The following SUN1 variants were observed in gnomAD, a reference collection of about 807,000 sequenced individuals.
SUN1 encodes the protein SUN domain-containing protein 1.
A neutral mutation model predicts 103.2 loss-of-function variants in SUN1; 61 were observed. That is an observed-to-expected ratio of 0.59 (90% CI 0.48 to 0.73). The LOEUF is 0.73. SUN1 is among the 30% of genes least tolerant of loss of function. SUN1 has a pLI of 0.00. For missense variants in SUN1, 1,052 were observed against 1,034.6 expected (o/e 1.02, Z -0.23); for synonymous variants, 490 against 425.7 (o/e 1.15, Z -1.86).
At chr7:861,937 C>T (rs7809344) in intron 15 of SUN1, among the ~76,000 whole-genome samples, 25,132 of 152,172 alleles carry the variant, frequency 0.17, 2,196 homozygotes, top group South Asian at 0.26. Context: ...GTTTGGGAAA[C>T]CCTGCAGGGG....
At chr7:828,503 T>C (rs1268607654), upstream of SUN1, among the ~76,000 whole-genome samples, 1 of 152,080 alleles carries the variant, frequency 6.6e-6, no homozygotes, top group Non-Finnish European at 1.5e-5. Flanking sequence ...AACTCCTGAC[T>C]TCAGGTGGTC....
At chr7:846,018 A>G (rs553588386) in intron 5 of SUN1, among the ~76,000 whole-genome samples, 2 of 152,280 alleles carry the variant, frequency 1.3e-5, no homozygotes, top group African/African-American at 4.8e-5. Context: ...CTGAAATGCC[A>G]TCACGGTGTA....
intron 5 of SUN1, chr7:849,731 C>T: frequency 8.7e-7 from 1 of 1,143,306 alleles, no homozygotes; most frequent in Non-Finnish European, 1.3e-6. Context: ...TGACGACGGG[C>T]TGTTGGAGCT....
chr7:870,237 A>T (rs1435429027), intron 17 of SUN1, among the ~76,000 whole-genome samples: 3 of 151,086 alleles, frequency 2.0e-5, no homozygotes, highest in Non-Finnish European at 4.4e-5. Context: ...CAGTTGAGAC[A>T]GTAGTGTTTA....
At chr7:857,686 C>T in intron 12 of SUN1, 142 bp from the exon 13 acceptor site, 1 of 1,105,250 alleles carries the variant, frequency 9.0e-7, no homozygotes, top group Non-Finnish European at 1.2e-6. Flanking sequence ...CATCCAGTTT[C>T]CACGTTAGTG....
chr7:836,338 C>T (rs1005813406), intron 1 of SUN1, among the ~76,000 whole-genome samples: 1 of 152,170 alleles, frequency 6.6e-6, no homozygotes, highest in Non-Finnish European at 1.5e-5. Context: ...CAGGGTAGAA[C>T]ATGAGTAAAC....
At chr7:850,204 T>A in intron 5 of SUN1, 1 of 660,090 alleles carries the variant, frequency 1.5e-6, no homozygotes, top group Non-Finnish European at 2.5e-6. Flanking sequence ...AGCTCCCTTG[T>A]AAATATTTTT....
At position 818,333 on chromosome 7, in the gene SUN1, T is replaced by C. The variant is rs183644961; in HGVS notation, c.-74+1660T>C. Among the ~76,000 whole-genome samples the C allele has an allele frequency of 1.5e-3, 231 of 152,362 alleles. 1 individual carries two copies. Among genetic ancestry groups the C allele is most frequent in the Non-Finnish European group, 2.6e-3 (176 of 68,030 alleles). ...GGCCTCTTTCACTTAAGATAATGTC[T>C]TCAGAGTTCACGCATGTTGTAGACT... On this transcript the variant is annotated intron_variant, in intron 1 of 17. Coordinates refer to the SUN1 transcript ENST00000389574.
chr7:844,068 T>C (rs2128309363), intron 5 of SUN1, among the ~76,000 whole-genome samples: 2 of 152,310 alleles, frequency 1.3e-5, no homozygotes, highest in South Asian at 4.1e-4. Context: ...CCCCCTGATG[T>C]GGACATGGGC....
At position 854,924 on chromosome 7, in the gene SUN1, A is replaced by G. The variant is rs1225253022; in HGVS notation, c.1268A>G (p.Asp423Gly). 6.2e-7 allele frequency: 1 copy of G among 1,611,560 alleles called. No individual in the cohort carries two copies. The highest frequency in any genetic ancestry group is 8.5e-7 in the Non-Finnish European group (1 of 1,179,030). ...TCACTCCTTCTCTTTCCTAAGACTG[A>G]CTTTATGGCCTTTCACCAAGAACAT... Reference protein sequence around the residue: ...DAVGQPPRETDFMAFHQEHEV... With the variant: ...DAVGQPPRETGFMAFHQEHEV... Residue 423 changes from aspartate to glycine, a missense_variant, in exon 11 of 19, where the codon GAC becomes GGC. Around this residue, in one of 2 missense-constraint regions of SUN1, gnomAD observed 846 missense variants for 774.5 expected, o/e 1.09. Coordinates refer to ENST00000401592, the MANE Select transcript of SUN1 (RefSeq NM_001130965.3).
At chr7:833,786 A>G (rs1430615871) in intron 1 of SUN1, among the ~76,000 whole-genome samples, 1 of 152,236 alleles carries the variant, frequency 6.6e-6, no homozygotes, top group Non-Finnish European at 1.5e-5. Context: ...CTGTTTTCTA[A>G]GAGTCCTGTA....
At chr7:859,164 AAAAAG>A (rs1187496198) in intron 13 of SUN1, among the ~76,000 whole-genome samples, 1 of 151,840 alleles carries the variant, frequency 6.6e-6, no homozygotes, top group African/African-American at 2.4e-5. Flanking sequence ...AAAAAAAAAA[AAAAAG>A]AAAAAGAAAA....
chr7:839,058 T>A (rs1806366459), intron 2 of SUN1, 72 bp downstream of exon 2: 1 of 1,424,378 alleles, frequency 7.0e-7, no homozygotes, highest in African/African-American at 1.4e-5. Context: ...TACTTTTTGG[T>A]CTGTAAAGCC....
In SUN1 at chr7:832,509, GT is replaced by G. The variant is rs1481967445; in HGVS notation, c.-13del. The G allele has an allele frequency of 6.2e-7, 1 of 1,611,782 alleles. No homozygotes were observed. Among genetic ancestry groups the G allele is most frequent in the African/African-American group, 1.3e-5 (1 of 74,904 alleles). ...TTTCTTTCCCGCCCTCTGCAGTATG[GT>G]TTGAAGTGGTGAACATGGATTTTTC... On this transcript the variant is annotated 5_prime_UTR_variant, in exon 1 of 19. The change abolishes the stop of an existing upstream ORF in the 5' untranslated region. Coordinates refer to ENST00000401592, the MANE Select transcript of SUN1 (RefSeq NM_001130965.3).
upstream of SUN1, among the ~76,000 whole-genome samples, chr7:829,356 G>A (rs558159252): frequency 2.9e-4 from 44 of 152,268 alleles, no homozygotes; most frequent in East Asian, 5.8e-4. Flanking sequence ...ACTCTTTGGC[G>A]GTCAGTAGAG....
At chr7:839,218 T>C (rs1806578844) in intron 2 of SUN1, 3 of 433,866 alleles carry the variant, frequency 6.9e-6, no homozygotes, top group South Asian at 1.5e-4. Flanking sequence ...TCTGCTGTTC[T>C]TGTTTCAAGT....
intron 1 of SUN1, among the ~76,000 whole-genome samples, chr7:819,709 C>CTTTT (rs60712364): frequency 6.1e-5 from 8 of 130,562 alleles, no homozygotes; most frequent in South Asian, 2.4e-4. Flanking sequence ...CAATGCCACC[C>CTTTT]TTTTTTTTTT....
chr7:855,921 G>T (rs1183692551), intron 11 of SUN1, among the ~76,000 whole-genome samples: 1 of 152,212 alleles, frequency 6.6e-6, no homozygotes, highest in Non-Finnish European at 1.5e-5. Context: ...GCCTGCCCTG[G>T]GCCGGGCTGT....
At chr7:819,423 A>G (rs1329896903) in intron 1 of SUN1, among the ~76,000 whole-genome samples, 29 of 152,278 alleles carry the variant, frequency 1.9e-4, no homozygotes, top group Non-Finnish European at 8.8e-5. Context: ...GCAAAATCCA[A>G]GGTCAGGAGG....
Sources: gnomAD v4.1 joint callset for allele counts (sites outside exome capture counted in the v4.1 genomes callset) on GRCh38, gnomAD v4.1.1 for gene constraint, gnomAD v4.1.1 regional missense constraint, MANE v1.5 for transcripts, NCBI Gene and HGNC (gene_info 2026-07-23, HGNC 2026-07-21) for gene names.